Variants in GRIK4 observed in about 807,000 individuals in gnomAD.
The protein encoded by GRIK4 is glutamate receptor ionotropic, kainate 4.
A neutral mutation model predicts 104.9 loss-of-function variants in GRIK4; 40 were observed. That is an observed-to-expected ratio of 0.38 (90% CI 0.30 to 0.50). GRIK4 has a LOEUF of 0.50. Ranked by LOEUF, GRIK4 falls within the 20% of genes least tolerant of loss-of-function variation. The probability of loss-of-function intolerance (pLI) is 0.93; values close to 1 mark genes in which losing one functional copy is unlikely to be tolerated. For synonymous variants in GRIK4, 485 were observed against 524.9 expected, an observed-to-expected ratio of 0.92 and a Z score of 1.04; for missense variants, 1,047 against 1,308.1, an observed-to-expected ratio of 0.80 and a Z score of 3.08.
At chr11:120,647,659 C>T (rs957197142) in intron 1 of GRIK4, among the ~76,000 whole-genome samples, 2 of 152,230 alleles carry the variant, frequency 1.3e-5, no homozygotes, top group Non-Finnish European at 2.9e-5. Context: ...AGTGTGTGGC[C>T]CACATCTTCC....
intron 3 of GRIK4, among the ~76,000 whole-genome samples, chr11:120,776,373 G>A (rs1952043211): frequency 6.6e-6 from 1 of 152,182 alleles, no homozygotes; most frequent in Non-Finnish European, 1.5e-5. Flanking sequence ...TCCACCTGCT[G>A]GGCATTGGAG....
At chr11:120,627,994 A>T (rs1020162739) in intron 1 of GRIK4, among the ~76,000 whole-genome samples, 4 of 152,208 alleles carry the variant, frequency 2.6e-5, no homozygotes, top group Non-Finnish European at 5.9e-5. Context: ...GAGAATGCTC[A>T]CTATGAAGAT....
At chr11:120,620,194 T>C (rs1406311733) in intron 1 of GRIK4, 1 of 799,858 alleles carries the variant, frequency 1.3e-6, no homozygotes, top group East Asian at 2.4e-5. Flanking sequence ...TTCATGACCA[T>C]CAGATGATAT....
chr11:120,776,318 T>C (rs956070193), intron 3 of GRIK4, among the ~76,000 whole-genome samples: 2 of 152,198 alleles, frequency 1.3e-5, no homozygotes, highest in African/African-American at 4.8e-5. Context: ...GAGGAAGGGC[T>C]GTGTCTGCCC....
At chr11:120,771,989 T>C (rs17124301) in intron 3 of GRIK4, among the ~76,000 whole-genome samples, 7,635 of 152,246 alleles carry the variant, frequency 0.05, 368 homozygotes, top group African/African-American at 0.12. Flanking sequence ...CCAGAGGAGC[T>C]TCAAGCATGT....
chr11:120,753,342 T>C (rs1336770168), intron 3 of GRIK4, among the ~76,000 whole-genome samples: 4 of 144,298 alleles, frequency 2.8e-5, no homozygotes, highest in Non-Finnish European at 6.2e-5. Flanking sequence ...TGTGTGTGTG[T>C]GCAGGGTGGC....
At chr11:120,845,750 T>C (rs149598677) in intron 8 of GRIK4, among the ~76,000 whole-genome samples, 1 of 152,330 alleles carries the variant, frequency 6.6e-6, no homozygotes, top group Non-Finnish European at 1.5e-5. Flanking sequence ...AAGTGTAGTT[T>C]ATTGTAAAAT....
chr11:120,638,626 T>C (rs10892589), intron 1 of GRIK4, among the ~76,000 whole-genome samples: 90,855 of 151,450 alleles, frequency 0.6, 27,259 homozygotes, highest in Admixed American at 0.62. Flanking sequence ...TACAGGCACC[T>C]GCCACCATGC....
At chr11:120,577,617 G>A (rs1227889358) in intron 1 of GRIK4, among the ~76,000 whole-genome samples, 1 of 152,160 alleles carries the variant, frequency 6.6e-6, no homozygotes, top group East Asian at 1.9e-4. Flanking sequence ...ATTGTAAAAT[G>A]CAGCTAATTT....
chr11:120,928,695 A>T (rs965798653), intron 13 of GRIK4, among the ~76,000 whole-genome samples: 1 of 152,198 alleles, frequency 6.6e-6, no homozygotes, highest in African/African-American at 2.4e-5. Context: ...TCTATAGGCC[A>T]ATAACACAGC....
chr11:120,842,875 C>A (rs1462352829), intron 8 of GRIK4, among the ~76,000 whole-genome samples: 1 of 152,174 alleles, frequency 6.6e-6, no homozygotes, highest in Non-Finnish European at 1.5e-5. Flanking sequence ...GTGGTTGATG[C>A]CGTAAGAGAA....
At position 120,541,276 on chromosome 11, in the gene GRIK4, A is replaced by C. The variant is rs116033420; in HGVS notation, c.-159+29389A>C. ...TTGACCCCTCCTTTGAGCCAGCATC[A>C]CACTTTGAACAGTTATATTGGAGCA... On this transcript the variant is annotated intron_variant, in intron 1 of 20. Coordinates refer to ENST00000527524, the MANE Select transcript of GRIK4 (RefSeq NM_014619.5). Among the ~76,000 whole-genome samples, 1,102 of 152,348 alleles carry C rather than the reference A, an allele frequency of 7.2e-3. 15 individuals are homozygous for C. Among genetic ancestry groups the C allele is most frequent in the African/African-American group, 0.025 (1,053 of 41,586 alleles).
chr11:120,516,010 G>A (rs560906724), intron 1 of GRIK4, among the ~76,000 whole-genome samples: 1 of 152,192 alleles, frequency 6.6e-6, no homozygotes, highest in African/African-American at 2.4e-5. Context: ...TGGTGAGTGC[G>A]GTAGGACCCC....
At chr11:120,736,849 C>G (rs1951233197) in intron 3 of GRIK4, among the ~76,000 whole-genome samples, 1 of 151,776 alleles carries the variant, frequency 6.6e-6, no homozygotes, top group Non-Finnish European at 1.5e-5. Flanking sequence ...ATACAATGAG[C>G]CTCTTATCCC....
chr11:120,891,384 A>C (rs568210752), intron 11 of GRIK4, among the ~76,000 whole-genome samples: 2 of 152,344 alleles, frequency 1.3e-5, no homozygotes, highest in South Asian at 4.1e-4. Flanking sequence ...AGTGGTTAGG[A>C]GCACATGCTT....
intron 3 of GRIK4, among the ~76,000 whole-genome samples, chr11:120,674,301 G>A (rs371224724): frequency 3.9e-5 from 6 of 152,142 alleles, no homozygotes; most frequent in African/African-American, 1.4e-4. Context: ...TGGGGATCTG[G>A]CCTCTAGGTT....
At chr11:120,560,088 T>C (rs1424127620) in intron 1 of GRIK4, among the ~76,000 whole-genome samples, 1 of 151,974 alleles carries the variant, frequency 6.6e-6, no homozygotes, top group African/African-American at 2.4e-5. Flanking sequence ...CTCACTCTAT[T>C]GCCCAGGCTG....
intron 13 of GRIK4, among the ~76,000 whole-genome samples, chr11:120,916,797 C>T (rs1943113401): frequency 6.6e-6 from 1 of 152,162 alleles, no homozygotes; most frequent in South Asian, 2.1e-4. Flanking sequence ...GTCTCATTCC[C>T]AAGATACCTC....
intron 3 of GRIK4, among the ~76,000 whole-genome samples, chr11:120,704,964 G>A (rs1281504681): frequency 1.3e-5 from 2 of 152,164 alleles, no homozygotes; most frequent in Non-Finnish European, 2.9e-5. Context: ...TCTTTCCCTA[G>A]TGAATAGTCT....
Sources: gnomAD v4.1 joint callset for allele counts (sites outside exome capture counted in the v4.1 genomes callset) on GRCh38, gnomAD v4.1.1 for gene constraint, MANE v1.5 for transcripts, NCBI Gene and HGNC (gene_info 2026-07-23, HGNC 2026-07-21) for gene names.